Variants in UVSSA observed in about 807,000 individuals in gnomAD.
UVSSA encodes the protein UV-stimulated scaffold protein A.
A neutral mutation model predicts 73.9 loss-of-function variants in UVSSA; 72 were observed. The observed-to-expected ratio is 0.97, with a 90% CI of 0.81 to 1.19. The LOEUF (loss-of-function observed/expected upper bound fraction) is 1.19. Among genes scored for constraint, UVSSA ranks in the 50% most tolerant of loss-of-function variants. The pLI, the probability that UVSSA is intolerant of heterozygous loss-of-function variation, is 0.00. For synonymous variants in UVSSA, 454 were observed against 391.3 expected (o/e 1.16, Z -1.89); for missense variants, 1,150 against 965.0 (o/e 1.19, Z -2.54).
chr4:1,395,829 T>A, exon 14 of UVSSA: 1 of 1,613,746 alleles, frequency 6.2e-7, no homozygotes, highest in East Asian at 2.2e-5. Context: ...CTTTTATATT[T>A]CTCTGCACCT....
chr4:1,375,545 C>G (rs79409547), intron 9 of UVSSA, 37 bp downstream of exon 9: 61 of 1,591,660 alleles, frequency 3.8e-5, no homozygotes, highest in Non-Finnish European at 4.7e-5. Context: ...GCCCCCTGCC[C>G]GGCGCTGCCA....
chr4:1,360,078 C>A (rs942113652), intron 7 of UVSSA, among the ~76,000 whole-genome samples: 2 of 152,228 alleles, frequency 1.3e-5, no homozygotes, highest in African/African-American at 4.8e-5. Flanking sequence ...AACCTTGTAC[C>A]GCCCTAGGGC....
At chr4:1,370,515 G>T (rs1717901060) in intron 8 of UVSSA, among the ~76,000 whole-genome samples, 1 of 152,278 alleles carries the variant, frequency 6.6e-6, no homozygotes, top group South Asian at 2.1e-4. Context: ...AACGGGAGCA[G>T]CCTGGCAGGC....
At chr4:1,371,770 CGT>C (rs1168587734) in intron 8 of UVSSA, among the ~76,000 whole-genome samples, 1 of 152,180 alleles carries the variant, frequency 6.6e-6, no homozygotes, top group Non-Finnish European at 1.5e-5. Context: ...CCTCCCACCA[CGT>C]GTGGGAATTA....
intron 7 of UVSSA, among the ~76,000 whole-genome samples, chr4:1,361,091 A>G (rs1326975227): frequency 1.3e-5 from 2 of 152,194 alleles, no homozygotes; most frequent in Non-Finnish European, 2.9e-5. Context: ...GTGTGTCTCT[A>G]TCTGGCAGGC....
At chr4:1,346,127 A>G (rs991837931), upstream of UVSSA, among the ~76,000 whole-genome samples, 2 of 152,152 alleles carry the variant, frequency 1.3e-5, no homozygotes, top group African/African-American at 4.8e-5. Flanking sequence ...GGGGCGGCGC[A>G]GGGAGTCCCT....
chr4:1,364,716 A>T (rs907989917), intron 7 of UVSSA, among the ~76,000 whole-genome samples: 2 of 152,030 alleles, frequency 1.3e-5, no homozygotes, highest in African/African-American at 4.8e-5. Context: ...AGGCGCCTCC[A>T]TCCCGGGGGT....
chr4:1,357,466 T>C (rs1297292108), intron 7 of UVSSA, among the ~76,000 whole-genome samples: 2 of 152,174 alleles, frequency 1.3e-5, no homozygotes, highest in Non-Finnish European at 2.9e-5. Context: ...GCCCTCCAAG[T>C]GGGGTTGGCT....
rs1446454204 is a variant in UVSSA at position 1,387,590 on chromosome 4, T to C, written c.*1629T>C. 2 of 152,184 alleles carry C rather than the reference T, an allele frequency of 1.3e-5. No homozygotes were observed. The highest frequency in any genetic ancestry group is 2.9e-5 in the Non-Finnish European group (2 of 68,024). The allele number at this position is 152,184 out of a possible 1,614,324, so 9.4% of individuals were successfully genotyped here. A position where few individuals can be genotyped will look rare whatever the true frequency, so the allele number is the denominator to read the frequency against. ...AAGCATTTTATAATTTCAGCTCTTA[T>C]GTGTAGATCTTTGATCCATTGTGAA... On this transcript the variant is annotated 3_prime_UTR_variant, in exon 14 of 14. Transcript: ENST00000389851.
Position 1,347,277 on chromosome 4 carries a change from G to C in UVSSA, c.-486G>C, listed in dbSNP as rs1382916083. ...TGCCGGGCGGGGGTCGCGCCGGTTC[G>C]GTCCCCGGGGCTCTGCGGGCGCCGG... On this transcript the variant is annotated 5_prime_UTR_variant, in exon 1 of 14. Coordinates refer to ENST00000389851, the MANE Select transcript of UVSSA (RefSeq NM_020894.4). The C allele has an allele frequency of 1.4e-5, 2 of 142,054 alleles. No individual in the cohort carries two copies. Among genetic ancestry groups the C allele is most frequent in the East Asian group, 3.9e-4 (2 of 5,166 alleles). The allele number at this position is 142,054 out of a possible 1,614,324, so 8.8% of individuals were successfully genotyped here.
Position 1,380,187 on chromosome 4 carries a change from C to T in UVSSA, c.1709C>T (p.Pro570Leu), listed in dbSNP as rs767180330. Residue 570 changes from proline to leucine, a missense_variant, in exon 11 of 14, where the codon CCG becomes CTG. Transcript: ENST00000389851. ...FEPVQHWCRA[P>L]RPDGRLCERQ... ...CCTGTGCAGCACTGGTGCCGTGCCC[C>T]GAGGCCAGACGGCCGGCTCTGTGAG... The T allele has an allele frequency of 1.4e-5, 23 of 1,612,674 alleles. No individual in the cohort carries two copies. Among genetic ancestry groups the T allele is most frequent in the Middle Eastern group, 1.6e-4 (1 of 6,078 alleles).
upstream of UVSSA, among the ~76,000 whole-genome samples, chr4:1,346,922 CCGGGAGCG>C (rs1301334862): frequency 5.9e-5 from 9 of 152,380 alleles, no homozygotes; most frequent in African/African-American, 2.2e-4. Context: ...CTCGCCCTCG[CCGGGAGCG>C]CGCCTACGTC....
chr4:1,360,709 C>T (rs140040525), intron 7 of UVSSA, among the ~76,000 whole-genome samples: 4 of 152,288 alleles, frequency 2.6e-5, no homozygotes, highest in East Asian at 3.9e-4. Context: ...CACCAGAGCC[C>T]GGGAGCAAGG....
intron 13 of UVSSA, chr4:1,385,667 T>A: frequency 1.7e-6 from 1 of 604,998 alleles, no homozygotes; most frequent in Non-Finnish European, 2.9e-6. Context: ...GGGCGGCCCT[T>A]TCTAAGCCTG....
chr4:1,394,004 C>A, exon 14 of UVSSA: 1 of 220,946 alleles, frequency 4.5e-6, no homozygotes, highest in Non-Finnish European at 9.0e-6. Context: ...GGTGAGTGTG[C>A]CTTCAGCGCT....
chr4:1,347,270 C>T lies in UVSSA; in HGVS notation c.-493C>T, dbSNP rs1382589235. ...GTTACGCTGCCGGGCGGGGGTCGCG[C>T]CGGTTCGGTCCCCGGGGCTCTGCGG... On this transcript the variant is annotated 5_prime_UTR_variant, in exon 1 of 14. Coordinates refer to ENST00000389851, the MANE Select transcript of UVSSA (RefSeq NM_020894.4). The T allele has an allele frequency of 6.8e-6, 1 of 148,120 alleles. No individual in the cohort carries two copies. The highest frequency in any genetic ancestry group is 1.9e-4 in the East Asian group (1 of 5,176). The allele number at this position is 148,120 out of a possible 1,614,324, so 9.2% of individuals were successfully genotyped here.
chr4:1,357,207 C>T (rs916018887), intron 7 of UVSSA, among the ~76,000 whole-genome samples: 2 of 148,414 alleles, frequency 1.3e-5, no homozygotes, highest in Non-Finnish European at 3.0e-5. Context: ...GGTCTGGTCT[C>T]ATCAGGCCTG....
At chr4:1,392,661 T>C (rs758187819), downstream of UVSSA, 3 of 152,266 alleles carry the variant, frequency 2.0e-5, no homozygotes, top group Non-Finnish European at 2.9e-5. Flanking sequence ...TCAGTCTCTT[T>C]TTAGCTTCTG....
chr4:1,354,830 G>C lies in UVSSA; in HGVS notation c.1030G>C (p.Val344Leu), dbSNP rs753412117. ...KLIRNKFLPA[V>L]CSWIQRFTRV... is the part of the protein sequence containing the mutation. ...CATCCGGAACAAGTTCCTGCCGGCT[G>C]TGTGCTCGTGGATCCAGGTGAGCCT... The change falls in exon 6 of 14, where the codon GTG becomes CTG. Residue 344 changes from valine (V) to leucine (L), a missense_variant. Val to Leu is a conservative substitution (Grantham distance 32). Coordinates refer to ENST00000389851, the MANE Select transcript of UVSSA (RefSeq NM_020894.4). 7 of 1,612,220 alleles carry C rather than the reference G, an allele frequency of 4.3e-6. No homozygotes were observed. The African/African-American group carries it at 6.7e-5, about 15-fold the overall frequency.
Sources: allele counts gnomAD v4.1 joint callset (sites outside exome capture counted in the v4.1 genomes callset), GRCh38; gene constraint gnomAD v4.1.1; transcripts MANE v1.5; gene names NCBI Gene and HGNC (gene_info 2026-07-23, HGNC 2026-07-21).